KIAA1217: variants seen among roughly 807,000 people sequenced by gnomAD.
The protein encoded by KIAA1217 is sickle tail protein homolog.
KIAA1217 carries 88 observed loss-of-function variants against 163.9 expected under a neutral mutation model. The observed-to-expected ratio is 0.54, with a 90% CI of 0.45 to 0.64. The LOEUF is 0.64. Among genes scored for constraint, KIAA1217 ranks in the 30% least tolerant of loss-of-function variants. The pLI is 0.00. For missense variants in KIAA1217, 2,372 were observed against 2,475.0 expected (o/e 0.96, Z 0.88); for synonymous variants, 903 against 923.1 (o/e 0.98, Z 0.39).
chr10:23,912,958 T>C (rs540341092), intron 1 of KIAA1217, among the ~76,000 whole-genome samples: 1 of 152,300 alleles, frequency 6.6e-6, no homozygotes, highest in East Asian at 1.9e-4. Flanking sequence ...CTTTGGCTAG[T>C]CTGTCACTGA....
chr10:23,716,369 C>T (rs1240417987), intron 1 of KIAA1217, among the ~76,000 whole-genome samples: 2 of 152,088 alleles, frequency 1.3e-5, no homozygotes. Flanking sequence ...AATATGTAAA[C>T]TCATCAGCAT....
At chr10:24,265,013 A>T (rs1019895356) in intron 2 of KIAA1217, among the ~76,000 whole-genome samples, 3 of 151,864 alleles carry the variant, frequency 2.0e-5, no homozygotes, top group African/African-American at 7.3e-5. Flanking sequence ...ACTACCCACC[A>T]CACCCTGCTA....
At chr10:24,352,259 A>G (rs77127033) in intron 2 of KIAA1217, among the ~76,000 whole-genome samples, 1 of 152,166 alleles carries the variant, frequency 6.6e-6, no homozygotes, top group South Asian at 2.1e-4. Flanking sequence ...GTGAATGGGG[A>G]GGTGGGGTGA....
rs529200404 is a variant in KIAA1217 at position 24,213,212 on chromosome 10, T to C, written c.70+3949T>C. Among the ~76,000 whole-genome samples the C allele has an allele frequency of 3.3e-5, 5 of 152,296 alleles. No homozygotes were observed. In the South Asian group the frequency reaches 1.0e-3, roughly 32 times the overall value. ...TTGCGGAGTAGGCACTCAACAATTA[T>C]TGGTGGAACATGAATCTAACTGTAT... is the stretch of plus-strand genomic sequence containing the variant. On this transcript the variant is annotated intron_variant, in intron 1 of 20. Transcript: ENST00000376454.
intron 1 of KIAA1217, among the ~76,000 whole-genome samples, chr10:23,891,599 A>G (rs1841420784): frequency 1.3e-5 from 2 of 151,916 alleles, no homozygotes; most frequent in Admixed American, 1.3e-4. Context: ...TTCTAAGGTA[A>G]TCATGGGCTT....
intron 2 of KIAA1217, among the ~76,000 whole-genome samples, chr10:24,025,512 T>G (rs118099399): frequency 0.016 from 2,372 of 151,900 alleles, 33 homozygotes; most frequent in Middle Eastern, 0.024. Flanking sequence ...CATTTTTATA[T>G]AAATTTTAGA....
chr10:24,448,201 A>G (rs2061107650), intron 5 of KIAA1217, among the ~76,000 whole-genome samples: 1 of 152,234 alleles, frequency 6.6e-6, no homozygotes, highest in Admixed American at 6.5e-5. Flanking sequence ...TCAGATTAAA[A>G]TAAGTGTTCA....
chr10:23,785,410 T>G (rs996772187), intron 1 of KIAA1217, among the ~76,000 whole-genome samples: 2 of 152,188 alleles, frequency 1.3e-5, no homozygotes, highest in Admixed American at 1.3e-4. Flanking sequence ...TTATGGGACT[T>G]GACATAGAGT....
chr10:24,173,258 A>C (rs1234924499), intron 2 of KIAA1217, among the ~76,000 whole-genome samples: 1 of 152,064 alleles, frequency 6.6e-6, no homozygotes, highest in Non-Finnish European at 1.5e-5. Flanking sequence ...ACCGTCCCCT[A>C]TCACCCCCAA....
chr10:24,053,373 G>A (rs1169007031), intron 2 of KIAA1217, among the ~76,000 whole-genome samples: 1 of 152,088 alleles, frequency 6.6e-6, no homozygotes, highest in Non-Finnish European at 1.5e-5. Flanking sequence ...TATTTAGACT[G>A]TAGAATATTA....
At chr10:24,199,498 G>T (rs931963606) in intron 2 of KIAA1217, among the ~76,000 whole-genome samples, 6 of 152,194 alleles carry the variant, frequency 3.9e-5, no homozygotes, top group Non-Finnish European at 8.8e-5. Context: ...AGCTGTGGCG[G>T]GGACAGACAT....
intron 2 of KIAA1217, among the ~76,000 whole-genome samples, chr10:24,174,336 A>C (rs1308447865): frequency 6.6e-6 from 1 of 152,176 alleles, no homozygotes; most frequent in African/African-American, 2.4e-5. Flanking sequence ...ATCTCTGCAC[A>C]TCTCAGCATC....
At chr10:23,754,303 GA>G (rs1357112933) in intron 1 of KIAA1217, among the ~76,000 whole-genome samples, 10 of 152,308 alleles carry the variant, frequency 6.6e-5, no homozygotes, top group African/African-American at 2.2e-4. Flanking sequence ...GAACTTTAAA[GA>G]CTGAAGGATC....
chr10:24,030,157 A>G (rs1327644049), intron 2 of KIAA1217, among the ~76,000 whole-genome samples: 2 of 152,188 alleles, frequency 1.3e-5, no homozygotes, highest in Non-Finnish European at 2.9e-5. Context: ...GCATAACATA[A>G]AATTCACCAT....
chr10:23,921,196 A>C (rs1313535661), intron 1 of KIAA1217, among the ~76,000 whole-genome samples: 1 of 152,194 alleles, frequency 6.6e-6, no homozygotes, highest in Non-Finnish European at 1.5e-5. Flanking sequence ...ACAACTGGCA[A>C]ATTTGTCTCT....
At chr10:24,457,380 C>T (rs900801540) in intron 5 of KIAA1217, among the ~76,000 whole-genome samples, 1 of 133,514 alleles carries the variant, frequency 7.5e-6, no homozygotes, top group Admixed American at 7.7e-5. Flanking sequence ...GTGTGGGTGG[C>T]GGGGTTTGGG....
At chr10:23,940,481 A>G (rs900498354) in intron 1 of KIAA1217, among the ~76,000 whole-genome samples, 10 of 150,752 alleles carry the variant, frequency 6.6e-5, no homozygotes, top group Admixed American at 2.6e-4. Context: ...AAAAAAAAAA[A>G]AAAGAAAAAA....
chr10:23,959,911 CTTTTTTT>C (rs1326171008), intron 1 of KIAA1217, among the ~76,000 whole-genome samples: 3 of 106,276 alleles, frequency 2.8e-5, no homozygotes, highest in East Asian at 2.7e-4. Context: ...TCATAGACTT[CTTTTTTT>C]TTTTTTTTTT....
Position 24,381,064 on chromosome 10 carries a change from C to A in KIAA1217, c.550C>A (p.Leu184Met). The part of the protein sequence containing the change: ...RSTNQTKERS[L>M]GVLYLQYGDE... Reference sequence around the variant, plus strand: ...AACCAACCAGACGAAAGAAAGATCTCTGGGTAAGCTTTAGAAGGCAGTTTC... The same window carrying A: ...AACCAACCAGACGAAAGAAAGATCTATGGGTAAGCTTTAGAAGGCAGTTTC... Residue 184 changes from leucine (L) to methionine (M), a missense_variant, in exon 3 of 21, where the codon CTG becomes ATG. Leu to Met is a conservative substitution (Grantham distance 15). Around this residue, in one of 3 missense-constraint regions of KIAA1217, gnomAD observed 1,431 missense variants for 1,470.3 expected, o/e 0.97. Transcript: ENST00000376454. The A allele has an allele frequency of 6.5e-7, 1 of 1,550,094 alleles. No individual in the cohort carries two copies. The highest frequency in any genetic ancestry group is 1.2e-5 in the South Asian group (1 of 80,996).
Sources: gnomAD v4.1 joint callset for allele counts (sites outside exome capture counted in the v4.1 genomes callset) on GRCh38, gnomAD v4.1.1 for gene constraint, gnomAD v4.1.1 regional missense constraint, MANE v1.5 for transcripts, NCBI Gene and HGNC (gene_info 2026-07-23, HGNC 2026-07-21) for gene names.